The following GLYR1 variants were observed in gnomAD, a reference collection of about 807,000 sequenced individuals.
GLYR1 encodes glyoxylate reductase 1 homolog.
A neutral mutation model predicts 72.7 loss-of-function variants in GLYR1; 21 were observed. The observed-to-expected ratio is 0.29, with a 90% confidence interval of 0.20 to 0.42. The LOEUF is 0.42. GLYR1 is among the 10% of genes least tolerant of loss of function. GLYR1 has a pLI of 1.00. For missense variants in GLYR1, 594 were observed against 712.1 expected (o/e 0.83, Z 1.89); for synonymous variants, 392 against 270.2 (o/e 1.45, Z -4.42).
chr16:4,816,933 G>T (rs1211222733), intron 10 of GLYR1, among the ~76,000 whole-genome samples: 4 of 147,392 alleles, frequency 2.7e-5, no homozygotes, highest in Non-Finnish European at 6.0e-5. Context: ...GTTGCAGTGA[G>T]CCGAGATTGT....
rs1274883671 is a variant in GLYR1, at chr16:4,838,609, CAG to C, written c.156-5699_156-5698del. On this transcript the variant is annotated intron_variant, in intron 3 of 15. Transcript: ENST00000321919. ...AACTTTTCTTTTTTTTTTTTTGAGACAGAGTCTCACTCTGTTGCCCAGGCTGG... is the reference window on the plus strand; with the variant it reads ...AACTTTTCTTTTTTTTTTTTTGAGACAGTCTCACTCTGTTGCCCAGGCTGG... Among the ~76,000 whole-genome samples, 10 of 149,806 alleles carry C rather than the reference CAG, an allele frequency of 6.7e-5. No individual in the cohort carries two copies. The East Asian group carries it at 1.4e-3, about 20-fold the overall frequency.
chr16:4,805,200 G>C lies in GLYR1; in HGVS notation c.*36C>G, dbSNP rs371207336. 43 of 1,585,156 alleles carry C rather than the reference G, an allele frequency of 2.7e-5. No individual in the cohort carries two copies. In the Middle Eastern group the frequency reaches 5.0e-4, roughly 18 times the overall value. ...CCATGTGAGGAAGAGGGGGTCAGAGGGGGGATTGGAGGGGTGAGGGCGGGG... is the reference window on the plus strand; with the variant it reads ...CCATGTGAGGAAGAGGGGGTCAGAGCGGGGATTGGAGGGGTGAGGGCGGGG... On this transcript the variant is annotated 3_prime_UTR_variant, in exon 16 of 16. Coordinates refer to ENST00000321919, the MANE Select transcript of GLYR1 (RefSeq NM_032569.4).
intron 5 of GLYR1, among the ~76,000 whole-genome samples, chr16:4,828,525 C>T (rs1192230646): frequency 6.6e-6 from 1 of 152,112 alleles, no homozygotes; most frequent in Non-Finnish European, 1.5e-5. Flanking sequence ...TGCTACACTA[C>T]TCCCCAGATT....
chr16:4,832,751 A>T (rs368867160), intron 4 of GLYR1, 23 bp downstream of exon 4: 11 of 1,593,638 alleles, frequency 6.9e-6, no homozygotes, highest in African/African-American at 2.7e-5. Flanking sequence ...GCATTGGTAG[A>T]AAGTGAACAT....
At chr16:4,826,890 G>A (rs1215106473) in intron 5 of GLYR1, among the ~76,000 whole-genome samples, 4 of 152,230 alleles carry the variant, frequency 2.6e-5, no homozygotes, top group Admixed American at 6.5e-5. Flanking sequence ...ATGGAAACAA[G>A]GAGGAGGCAG....
At chr16:4,832,951 A>G (rs2084890018) in intron 3 of GLYR1, 39 bp from the exon 4 acceptor site, 2 of 1,570,230 alleles carry the variant, frequency 1.3e-6, no homozygotes, top group Middle Eastern at 3.4e-4. Context: ...TGAACCATAT[A>G]GCATATGCCC....
At position 4,813,252 on chromosome 16, in the gene GLYR1, C is replaced by T. The variant is rs143239381; in HGVS notation, c.1119+485G>A. ...TGCTGGGATTACAGGCGTGAGCCAC[C>T]GCGCCCGGACTGGAATTTCTTAGAG... is the stretch of plus-strand genomic sequence containing the variant. On this transcript the variant is annotated intron_variant, in intron 12 of 15. Transcript: ENST00000321919. Among the ~76,000 whole-genome samples, 862 of 152,298 alleles carry T rather than the reference C, an allele frequency of 5.7e-3. 4 individuals carry two copies. Among genetic ancestry groups the T allele is most frequent in the South Asian group, 0.015 (73 of 4,830 alleles).
In GLYR1 at chr16:4,804,105, C is replaced by G. The variant is rs2082839645; in HGVS notation, c.*1131G>C. 6.6e-6 allele frequency: 1 copy of G among 152,224 alleles called. No individual in the cohort carries two copies. The highest frequency in any genetic ancestry group is 2.1e-4 in the South Asian group (1 of 4,834). The allele number at this position is 152,224 out of a possible 1,614,324, so 9.4% of individuals were successfully genotyped here. On this transcript the variant is annotated 3_prime_UTR_variant, in exon 16 of 16. Coordinates refer to ENST00000321919, the MANE Select transcript of GLYR1 (RefSeq NM_032569.4). Reference sequence around the variant, plus strand: ...GGAGTGAAGACACTCGTTTCCGTATCAAGAGCTGAGCCTAAGAAATGCTCA... The same window carrying G: ...GGAGTGAAGACACTCGTTTCCGTATGAAGAGCTGAGCCTAAGAAATGCTCA...
intron 3 of GLYR1, among the ~76,000 whole-genome samples, chr16:4,835,939 C>A (rs2142025950): frequency 6.6e-6 from 1 of 152,294 alleles, no homozygotes; most frequent in South Asian, 2.1e-4. Context: ...AATTTTTTCT[C>A]TAAAGGTTAC....
chr16:4,841,119 C>T (rs2085513877), intron 3 of GLYR1, among the ~76,000 whole-genome samples: 1 of 152,050 alleles, frequency 6.6e-6, no homozygotes, highest in East Asian at 1.9e-4. Context: ...TTGTTTACAA[C>T]CCTCCAAAGA....
intron 15 of GLYR1, 48 bp downstream of exon 15, chr16:4,811,122 A>G (rs780344494): frequency 2.7e-5 from 43 of 1,569,608 alleles, no homozygotes; most frequent in Middle Eastern, 2.3e-4. Flanking sequence ...AAAAAAAGAA[A>G]GAAAAAGAAA....
Position 4,810,036 on chromosome 16 carries a change from AG to A in GLYR1, c.1587+1133del, listed in dbSNP as rs1262686685. ...AAAAATCAATAATCATTAGATATCT[AG>A]GAAAACCCAAACACTAGATAAACTT... On this transcript the variant is annotated intron_variant, in intron 15 of 15. Coordinates refer to ENST00000321919, the MANE Select transcript of GLYR1 (RefSeq NM_032569.4). Among the ~76,000 whole-genome samples, 5 of 152,348 alleles carry A rather than the reference AG, an allele frequency of 3.3e-5. No homozygotes were observed. In the East Asian group the frequency reaches 9.6e-4, roughly 29 times the overall value.
rs1488213364 is a variant in GLYR1, at chr16:4,817,655, G to C, written c.849C>G (p.Val283=). ...LGLGLMGSGI[V]SNLLKMGHTV... is the part of the protein sequence containing the mutation. ...TGTGACCCATTTTTAGCAAGTTGGA[G>C]ACGATTCCACTTCCCATGAGACCAA... The change falls in exon 10 of 16, where the codon GTC becomes GTG. Residue 283 remains valine, a synonymous_variant. Coordinates refer to ENST00000321919, the MANE Select transcript of GLYR1 (RefSeq NM_032569.4). The C allele has an allele frequency of 6.2e-7, 1 of 1,613,770 alleles. No individual in the cohort carries two copies. The highest frequency in any genetic ancestry group is 8.5e-7 in the Non-Finnish European group (1 of 1,179,692).
intron 15 of GLYR1, among the ~76,000 whole-genome samples, chr16:4,806,441 C>G (rs186039424): frequency 1.3e-5 from 2 of 151,406 alleles, no homozygotes; most frequent in Non-Finnish European, 2.9e-5. Context: ...ATTGCAGCCT[C>G]GAACTCCTGG....
chr16:4,831,865 C>T (rs2084822274), intron 5 of GLYR1, 114 bp downstream of exon 5: 4 of 1,415,926 alleles, frequency 2.8e-6, no homozygotes, highest in Non-Finnish European at 3.8e-6. Context: ...ATTCTGCTCC[C>T]ACTCCATGAG....
At chr16:4,829,328 T>C (rs1051543545) in intron 5 of GLYR1, among the ~76,000 whole-genome samples, 1 of 152,010 alleles carries the variant, frequency 6.6e-6, no homozygotes, top group Non-Finnish European at 1.5e-5. Context: ...TTTTTGGAGA[T>C]AGGGTCTCAC....
In GLYR1 at chr16:4,811,747, G is replaced by A; in HGVS notation, c.1338C>T (p.Ser446=). 1.9e-6 allele frequency: 3 copies of A among 1,614,080 alleles called. No homozygotes were observed. The highest frequency in any genetic ancestry group is 2.5e-6 in the Non-Finnish European group (3 of 1,179,984). The change falls in exon 14 of 16, where the codon AGC becomes AGT. Residue 446 remains serine (S), a synonymous_variant. Coordinates refer to ENST00000321919, the MANE Select transcript of GLYR1 (RefSeq NM_032569.4). ...MMLIVNMVQG[S]FMATIAEGLT... ...GCCCCTCGGCAATAGTGGCCATGAA[G>A]CTCCCTTGGACCATGTTCACGATCA... is the stretch of plus-strand genomic sequence containing the variant.
intron 5 of GLYR1, among the ~76,000 whole-genome samples, chr16:4,824,547 G>C (rs1017628275): frequency 6.6e-6 from 1 of 150,998 alleles, no homozygotes; most frequent in African/African-American, 2.4e-5. Flanking sequence ...GCTTCAGAAG[G>C]AATCCGCCAT....
intron 12 of GLYR1, among the ~76,000 whole-genome samples, 183 bp from the exon 13 acceptor site, chr16:4,812,431 C>G (rs1596313206): frequency 6.6e-6 from 1 of 152,120 alleles, no homozygotes; most frequent in African/African-American, 2.4e-5. Flanking sequence ...GTGCAGGTCA[C>G]ACAGGCCGAA....
Sources: gnomAD v4.1 joint callset for allele counts (sites outside exome capture counted in the v4.1 genomes callset) on GRCh38, gnomAD v4.1.1 for gene constraint, MANE v1.5 for transcripts, NCBI Gene and HGNC (gene_info 2026-07-23, HGNC 2026-07-21) for gene names.